Variants in PPP1R12B observed in about 807,000 individuals in gnomAD.
PPP1R12B encodes protein phosphatase 1 regulatory subunit 12B, also known as myosin phosphatase target subunit 2.
PPP1R12B carries 76 observed loss-of-function variants against 126.1 expected under a neutral mutation model. The ratio of observed to expected loss-of-function variants is 0.60; its 90% CI spans 0.50 to 0.73. PPP1R12B has a LOEUF of 0.73. Ranked by LOEUF, PPP1R12B falls within the 30% of genes least tolerant of loss-of-function variation. The pLI is 0.00. For synonymous variants in PPP1R12B, 356 were observed against 434.7 expected (o/e 0.82, Z 2.25); for missense variants, 1,052 against 1,205.1 (o/e 0.87, Z 1.88).
intron 1 of PPP1R12B, among the ~76,000 whole-genome samples, chr1:202,368,796 G>T (rs891054897): frequency 6.6e-6 from 1 of 152,056 alleles, no homozygotes; most frequent in Non-Finnish European, 1.5e-5. Flanking sequence ...GCAATGGCAG[G>T]ATCATGGCTC....
intron 1 of PPP1R12B, among the ~76,000 whole-genome samples, chr1:202,403,891 A>G (rs893873047): frequency 3.9e-5 from 6 of 152,184 alleles, no homozygotes; most frequent in African/African-American, 1.4e-4. Flanking sequence ...TGACATTCTA[A>G]TAAGTGACCC....
At position 202,464,795 on chromosome 1, in the gene PPP1R12B, C is replaced by T. The variant is rs145128623; in HGVS notation, c.1850+15624C>T. On this transcript the variant is annotated intron_variant, in intron 13 of 23. Transcript: ENST00000608999. ...TGTGTGCTCAATATTGTGTTAAAAACTGTATGATAAAAAAGGGACATGCCC... is the reference window on the plus strand; with the variant it reads ...TGTGTGCTCAATATTGTGTTAAAAATTGTATGATAAAAAAGGGACATGCCC... 5.6e-3 allele frequency among the ~76,000 whole-genome samples: 854 copies of T among 152,244 alleles called. 10 individuals carry two copies. The highest frequency in any genetic ancestry group is 0.019 in the African/African-American group (805 of 41,542).
At chr1:202,469,420 A>G (rs1675529204) in intron 13 of PPP1R12B, among the ~76,000 whole-genome samples, 1 of 152,222 alleles carries the variant, frequency 6.6e-6, no homozygotes, top group South Asian at 2.1e-4. Context: ...GGGTGATGAA[A>G]TAATCTGTAC....
At chr1:202,539,137 C>T (rs1394952965) in intron 18 of PPP1R12B, among the ~76,000 whole-genome samples, 1 of 152,128 alleles carries the variant, frequency 6.6e-6, no homozygotes, top group African/African-American at 2.4e-5. Flanking sequence ...GGCGTTGTTA[C>T]TTAAGAGATC....
chr1:202,368,125 A>T (rs1659589931), intron 1 of PPP1R12B, among the ~76,000 whole-genome samples: 1 of 151,898 alleles, frequency 6.6e-6, no homozygotes, highest in South Asian at 2.1e-4. Flanking sequence ...GCCTGCCACC[A>T]CACCCGGCTA....
chr1:202,463,792 C>A (rs1046147939), intron 13 of PPP1R12B, among the ~76,000 whole-genome samples: 2 of 152,108 alleles, frequency 1.3e-5, no homozygotes, highest in African/African-American at 4.8e-5. Flanking sequence ...TATAGAAAAT[C>A]CTGCTGATCG....
intron 1 of PPP1R12B, among the ~76,000 whole-genome samples, chr1:202,400,438 T>C (rs1665655138): frequency 6.6e-6 from 1 of 152,004 alleles, no homozygotes; most frequent in Non-Finnish European, 1.5e-5. Context: ...GGGAAACTGG[T>C]GGTAGTGGCT....
chr1:202,493,106 T>C lies in PPP1R12B; in HGVS notation c.1942-8T>C. ...TGAAACAGCCCTGATCTTGTGATATTTTCCCAGGGTGTCACCCTAACAGAC... is the reference window on the plus strand; with the variant it reads ...TGAAACAGCCCTGATCTTGTGATATCTTCCCAGGGTGTCACCCTAACAGAC... On this transcript the variant is annotated splice_polypyrimidine_tract_variant and splice_region_variant and intron_variant, in intron 14 of 23. Coordinates refer to ENST00000608999, the MANE Select transcript of PPP1R12B (RefSeq NM_002481.4). The C allele has an allele frequency of 1.9e-6, 3 of 1,611,162 alleles. No homozygotes were observed. The South Asian group carries it at 3.3e-5, about 18-fold the overall frequency.
chr1:202,357,579 C>T (rs531484076), intron 1 of PPP1R12B, among the ~76,000 whole-genome samples: 1 of 152,274 alleles, frequency 6.6e-6, no homozygotes, highest in East Asian at 1.9e-4. Context: ...CATTATTCAT[C>T]AGTTAAGAAT....
chr1:202,416,133 A>G (rs1297657744), intron 1 of PPP1R12B, among the ~76,000 whole-genome samples: 1 of 152,232 alleles, frequency 6.6e-6, no homozygotes, highest in Non-Finnish European at 1.5e-5. Flanking sequence ...GTTTTGTAAC[A>G]TACTTTCCTT....
At chr1:202,390,237 A>G (rs1299828896) in intron 1 of PPP1R12B, among the ~76,000 whole-genome samples, 1 of 152,228 alleles carries the variant, frequency 6.6e-6, no homozygotes. Flanking sequence ...ATGCAAAAGA[A>G]TGAAGTTGGA....
intron 18 of PPP1R12B, among the ~76,000 whole-genome samples, chr1:202,500,399 A>AT (rs1229679764): frequency 6.6e-6 from 1 of 152,226 alleles, no homozygotes; most frequent in Non-Finnish European, 1.5e-5. Context: ...GTGGAATACT[A>AT]TTTAGCCATA....
intron 9 of PPP1R12B, among the ~76,000 whole-genome samples, chr1:202,437,478 G>A (rs546725694): frequency 2.6e-5 from 4 of 152,162 alleles, no homozygotes; most frequent in Admixed American, 6.5e-5. Flanking sequence ...TCAGTTCCAC[G>A]GTGAGTTAGA....
At chr1:202,489,961 G>A (rs925636453) in intron 14 of PPP1R12B, among the ~76,000 whole-genome samples, 3 of 152,302 alleles carry the variant, frequency 2.0e-5, no homozygotes, top group East Asian at 1.9e-4. Context: ...GATAATTGAT[G>A]GGAATGGTAG....
intron 7 of PPP1R12B, 72 bp downstream of exon 7, chr1:202,430,882 A>G (rs1015537245): frequency 7.2e-6 from 11 of 1,538,306 alleles, no homozygotes; most frequent in South Asian, 2.5e-5. Context: ...TTCAGAATTT[A>G]TAAAGTGAAG....
chr1:202,548,776 G>GC (rs1685944144), intron 18 of PPP1R12B, among the ~76,000 whole-genome samples: 1 of 98,928 alleles, frequency 1.0e-5, no homozygotes, highest in Non-Finnish European at 2.0e-5. Context: ...CTCGCTCGCT[G>GC]TCTCTCTCTC....
At chr1:202,390,561 C>T (rs1440138821) in intron 1 of PPP1R12B, among the ~76,000 whole-genome samples, 7 of 152,076 alleles carry the variant, frequency 4.6e-5, no homozygotes, top group African/African-American at 9.7e-5. Flanking sequence ...TGCAGTGGTG[C>T]GATCATGGCC....
At chr1:202,479,412 G>A (rs775975521) in intron 13 of PPP1R12B, among the ~76,000 whole-genome samples, 21 of 152,316 alleles carry the variant, frequency 1.4e-4, no homozygotes, top group Non-Finnish European at 2.2e-4. Flanking sequence ...ATCCTGGAGA[G>A]AAGGAAACCT....
At chr1:202,418,400 T>C (rs1481660140) in intron 2 of PPP1R12B, among the ~76,000 whole-genome samples, 2 of 152,234 alleles carry the variant, frequency 1.3e-5, no homozygotes, top group African/African-American at 2.4e-5. Flanking sequence ...AGCTCATGCT[T>C]AGAATTAGGA....
Sources: allele counts gnomAD v4.1 joint callset (sites outside exome capture counted in the v4.1 genomes callset), GRCh38; gene constraint gnomAD v4.1.1; transcripts MANE v1.5; gene names NCBI Gene and HGNC (gene_info 2026-07-23, HGNC 2026-07-21).